MAGI2: variants seen among roughly 807,000 people sequenced by gnomAD.
MAGI2 encodes the protein membrane-associated guanylate kinase, WW and PDZ domain-containing protein 2.
Under a neutral mutation model 133.3 loss-of-function variants are expected in MAGI2, and 35 were observed. The observed-to-expected ratio is 0.26, with a 90% CI of 0.20 to 0.35. MAGI2 has a LOEUF of 0.35. Ranked by LOEUF, MAGI2 falls within the 10% of genes least tolerant of loss-of-function variation. The probability of loss-of-function intolerance (pLI) is 1.00; values close to 1 mark genes in which losing one functional copy is unlikely to be tolerated. For synonymous variants in MAGI2, 729 were observed against 710.6 expected, an observed-to-expected ratio of 1.03 and a Z score of -0.41; for missense variants, 1,636 against 1,863.4, an observed-to-expected ratio of 0.88 and a Z score of 2.25.
Position 78,898,358 on chromosome 7 carries a change from G to A in MAGI2, c.418+108732C>T, listed in dbSNP as rs545126832. ...ATCATAAAGGCACATGCATGCATATGTTCACTGCATCACCACTCACATTAG... is the reference window on the plus strand; with the variant it reads ...ATCATAAAGGCACATGCATGCATATATTCACTGCATCACCACTCACATTAG... On this transcript the variant is annotated intron_variant, in intron 2 of 21. Transcript: ENST00000354212. 1.2e-4 allele frequency among the ~76,000 whole-genome samples: 18 copies of A among 152,282 alleles called. No individual in the cohort carries two copies. In the South Asian group the frequency reaches 3.3e-3, roughly 28 times the overall value.
intron 1 of MAGI2, among the ~76,000 whole-genome samples, chr7:79,396,307 A>G (rs1395357241): frequency 6.6e-6 from 1 of 152,116 alleles, no homozygotes; most frequent in Admixed American, 6.6e-5. Flanking sequence ...GATGCAGAAG[A>G]CAATGAAGCC....
rs181342507 is a variant in MAGI2, at chr7:78,065,773, T to C, written c.3706+13174A>G. On this transcript the variant is annotated intron_variant, in intron 21 of 21. Coordinates refer to ENST00000354212, the MANE Select transcript of MAGI2 (RefSeq NM_012301.4). ...AGATTGCTTAGTATGTTTAGAGCAG[T>C]TGAATAAAAATTATCTAGGCAGTAA... 106 of 458,562 alleles carry C rather than the reference T, an allele frequency of 2.3e-4. 1 individual carries two copies. In the East Asian group the frequency reaches 3.4e-3, roughly 15 times the overall value. The allele number at this position is 458,562 out of a possible 1,614,324, so 28.4% of individuals were successfully genotyped here.
chr7:79,357,535 C>CA (rs1190162525), intron 1 of MAGI2, among the ~76,000 whole-genome samples: 1 of 152,084 alleles, frequency 6.6e-6, no homozygotes, highest in African/African-American at 2.4e-5. Context: ...ATTTTAGATA[C>CA]AAAAAATAAA....
At chr7:78,978,962 A>G (rs1804543805) in intron 2 of MAGI2, among the ~76,000 whole-genome samples, 2 of 151,976 alleles carry the variant, frequency 1.3e-5, no homozygotes, top group East Asian at 2.0e-4. Flanking sequence ...CCAGGTTTTC[A>G]CTGTTGGGAT....
chr7:79,311,077 C>G lies in MAGI2; in HGVS notation c.301+141943G>C, dbSNP rs1172482580. Among the ~76,000 whole-genome samples the G allele has an allele frequency of 2.6e-5, 4 of 152,068 alleles. No individual in the cohort carries two copies. In the East Asian group the frequency reaches 7.7e-4, roughly 29 times the overall value. On this transcript the variant is annotated intron_variant, in intron 1 of 21. Coordinates refer to ENST00000354212, the MANE Select transcript of MAGI2 (RefSeq NM_012301.4). ...ATCACTATTTTCAATTTTCCTACTT[C>G]CATATTTTCCTGGCCTCTCTCCAAT...
intron 2 of MAGI2, among the ~76,000 whole-genome samples, chr7:78,999,456 T>C (rs150144315): frequency 2.8e-4 from 42 of 152,280 alleles, no homozygotes; most frequent in African/African-American, 9.6e-4. Flanking sequence ...GAGCACTCTG[T>C]CAACCAAACC....
At chr7:78,603,094 C>T (rs1805384203) in intron 3 of MAGI2, among the ~76,000 whole-genome samples, 1 of 148,300 alleles carries the variant, frequency 6.7e-6, no homozygotes, top group Non-Finnish European at 1.5e-5. Context: ...TTCTTTTTGT[C>T]ATCAAAGACC....
In MAGI2 at chr7:79,160,386, G is replaced by C. The variant is rs6948496; in HGVS notation, c.302-153180C>G. On this transcript the variant is annotated intron_variant, in intron 1 of 21. Coordinates refer to ENST00000354212, the MANE Select transcript of MAGI2 (RefSeq NM_012301.4). ...ATTCTAAGCCCCATGGTTACCAAGA[G>C]AGTAGTTGATATGAGGGAAGTGTAA... Among the ~76,000 whole-genome samples, 5 of 151,880 alleles carry C rather than the reference G, an allele frequency of 3.3e-5. No individual in the cohort carries two copies. In the East Asian group the frequency reaches 9.7e-4, roughly 29 times the overall value.
At chr7:79,104,818 A>G (rs750124607) in intron 1 of MAGI2, among the ~76,000 whole-genome samples, 3 of 152,172 alleles carry the variant, frequency 2.0e-5, no homozygotes, top group Non-Finnish European at 2.9e-5. Context: ...TGCAATCTCA[A>G]AAAAAGACTA....
chr7:79,425,712 T>C (rs1202091689), intron 1 of MAGI2, among the ~76,000 whole-genome samples: 7 of 151,904 alleles, frequency 4.6e-5, no homozygotes, highest in African/African-American at 1.7e-4. Context: ...ATATTTATTA[T>C]AGTCTTGTTA....
At chr7:79,307,264 T>C (rs549868420) in intron 1 of MAGI2, among the ~76,000 whole-genome samples, 82 of 152,174 alleles carry the variant, frequency 5.4e-4, no homozygotes, top group Non-Finnish European at 7.5e-4. Context: ...TGTAAAATCA[T>C]AGCTACACCT....
intron 6 of MAGI2, among the ~76,000 whole-genome samples, chr7:78,409,819 G>A (rs944256204): frequency 1.3e-5 from 2 of 151,966 alleles, no homozygotes; most frequent in Admixed American, 6.6e-5. Context: ...AGTCTCTGGC[G>A]CATTCCTAAT....
At chr7:78,053,337 C>A (rs1344886226) in intron 21 of MAGI2, among the ~76,000 whole-genome samples, 1 of 152,184 alleles carries the variant, frequency 6.6e-6, no homozygotes, top group African/African-American at 2.4e-5. Flanking sequence ...TGAGGAGACC[C>A]TTAATATAGA....
intron 1 of MAGI2, among the ~76,000 whole-genome samples, chr7:79,435,451 TAGG>T (rs1304676387): frequency 6.6e-5 from 10 of 152,282 alleles, no homozygotes; most frequent in African/African-American, 2.4e-4. Flanking sequence ...TATGAAAAAT[TAGG>T]AGAATCTGGA....
At chr7:78,863,109 A>C (rs983314178) in intron 2 of MAGI2, among the ~76,000 whole-genome samples, 5 of 152,212 alleles carry the variant, frequency 3.3e-5, no homozygotes, top group Admixed American at 2.0e-4. Context: ...ATTAATTACA[A>C]ATGACTTAAA....
intron 20 of MAGI2, among the ~76,000 whole-genome samples, chr7:78,114,943 A>G (rs1157562383): frequency 6.6e-6 from 1 of 152,268 alleles, no homozygotes; most frequent in Non-Finnish European, 1.5e-5. Flanking sequence ...TGCCAGCTCT[A>G]AAGCTGGAAG....
At chr7:79,167,270 A>C (rs1825027049) in intron 1 of MAGI2, among the ~76,000 whole-genome samples, 3 of 151,528 alleles carry the variant, frequency 2.0e-5, no homozygotes. Flanking sequence ...TAATTCCAAA[A>C]TCCTTGAAAT....
chr7:78,903,347 C>T (rs1268542769), intron 2 of MAGI2, among the ~76,000 whole-genome samples: 2 of 151,752 alleles, frequency 1.3e-5, no homozygotes, highest in Non-Finnish European at 2.9e-5. Flanking sequence ...GCGCCCGCTA[C>T]CACGCCCGGC....
chr7:78,595,523 ATAT>A (rs1399110624), intron 3 of MAGI2, among the ~76,000 whole-genome samples: 3 of 152,194 alleles, frequency 2.0e-5, no homozygotes, highest in African/African-American at 7.2e-5. Context: ...AGTTTCAGAG[ATAT>A]TATGATCAAA....
Sources: allele counts gnomAD v4.1 joint callset (sites outside exome capture counted in the v4.1 genomes callset), GRCh38; gene constraint gnomAD v4.1.1; transcripts MANE v1.5; gene names NCBI Gene and HGNC (gene_info 2026-07-23, HGNC 2026-07-21).